The following FOXP2 variants were observed in gnomAD, a reference collection of about 807,000 sequenced individuals.
FOXP2 encodes forkhead box protein P2.
FOXP2 carries 12 observed loss-of-function variants against 115.8 expected under a neutral mutation model. That is an observed-to-expected ratio of 0.10 (90% CI 0.07 to 0.17). The LOEUF is 0.17. FOXP2 is among the 10% of genes least tolerant of loss of function. The probability of loss-of-function intolerance (pLI) is 1.00; values close to 1 mark genes in which losing one functional copy is unlikely to be tolerated. For synonymous variants in FOXP2, 328 were observed against 297.7 expected (o/e 1.10, Z -1.05); for missense variants, 629 against 843.5 (o/e 0.75, Z 3.15).
At chr7:114,140,414 C>A (rs1330897135) in intron 1 of FOXP2, among the ~76,000 whole-genome samples, 3 of 152,076 alleles carry the variant, frequency 2.0e-5, no homozygotes, top group African/African-American at 7.2e-5. Context: ...CTTTAGGGAG[C>A]CTGACGTGCA....
intron 2 of FOXP2, among the ~76,000 whole-genome samples, chr7:114,445,821 T>C (rs1794809745): frequency 6.6e-6 from 1 of 152,082 alleles, no homozygotes; most frequent in African/African-American, 2.4e-5. Context: ...GTTTAAGAAA[T>C]TACCTTCAGA....
At position 114,653,860 on chromosome 7, in the gene FOXP2, T is replaced by A. The variant is rs1024186496; in HGVS notation, c.1183-66T>A. 4.8e-6 allele frequency: 7 copies of A among 1,446,058 alleles called. No homozygotes were observed. In the Admixed American group the frequency reaches 1.2e-4, roughly 24 times the overall value. 89.6% of individuals were successfully genotyped at this position (1,446,058 alleles called of 1,614,324 possible). On this transcript the variant is annotated intron_variant, in intron 9 of 16. Transcript: ENST00000350908. ...GAGGCAAGCTCAATGATAAGATGTA[T>A]CACTGCAATAAAATAGCTGTATCAG...
In FOXP2 at chr7:114,661,996, T is replaced by C. The variant is rs760603521; in HGVS notation, c.1648-69T>C. ...CTCTGATTAAGTAAGATCAATAATG[T>C]AGTATGTTGGGCTGCCTTATTAGAC... On this transcript the variant is annotated intron_variant, in intron 13 of 16. Transcript: ENST00000350908. 86 of 1,568,234 alleles carry C rather than the reference T, an allele frequency of 5.5e-5. 1 individual carries two copies. The highest frequency in any genetic ancestry group is 1.7e-4 in the Admixed American group (10 of 59,022).
rs117285525 is a variant in FOXP2, at chr7:114,639,398, G to T, written c.776-3012G>T. On this transcript the variant is annotated intron_variant, in intron 6 of 16. Transcript: ENST00000350908. ...GCCACGCACTGTTCAAGGCAGTGGA[G>T]ATACACCAGTAAAACAAGAAATTCC... Among the ~76,000 whole-genome samples the T allele has an allele frequency of 7.7e-3, 1,176 of 152,284 alleles. 8 individuals are homozygous for T. The highest frequency in any genetic ancestry group is 0.012 in the Non-Finnish European group (841 of 68,018).
At chr7:114,312,680 A>C (rs2129180268) in intron 2 of FOXP2, among the ~76,000 whole-genome samples, 3 of 152,350 alleles carry the variant, frequency 2.0e-5, no homozygotes, top group Middle Eastern at 6.8e-3. Context: ...CATAAGCAAC[A>C]GAATTTTTGT....
intron 16 of FOXP2, among the ~76,000 whole-genome samples, chr7:114,677,039 G>T (rs1025787559): frequency 1.3e-5 from 2 of 151,812 alleles, no homozygotes; most frequent in African/African-American, 4.8e-5. Context: ...GGTTGCGCGC[G>T]CCTGTAGTCC....
chr7:114,666,755 C>G (rs1807182424), intron 16 of FOXP2: 1 of 152,110 alleles, frequency 6.6e-6, no homozygotes, highest in Non-Finnish European at 1.5e-5. Context: ...GGTTCCAATT[C>G]CAGATTCAAT....
At chr7:114,443,721 G>A (rs1562929995) in intron 2 of FOXP2, among the ~76,000 whole-genome samples, 1 of 152,198 alleles carries the variant, frequency 6.6e-6, no homozygotes, top group Non-Finnish European at 1.5e-5. Flanking sequence ...ATGGCCTCCA[G>A]TTCCACCCAT....
Position 114,390,713 on chromosome 7 carries a change from C to G in FOXP2, c.-10-35789C>G, listed in dbSNP as rs373770635. Reference sequence around the variant, plus strand: ...GGGACTACAGCTGCCTATGGCTACACCTAGCTGATTTTTTTTTTTCTTTCT... The same window carrying G: ...GGGACTACAGCTGCCTATGGCTACAGCTAGCTGATTTTTTTTTTTCTTTCT... On this transcript the variant is annotated intron_variant, in intron 2 of 17. Coordinates refer to the FOXP2 transcript ENST00000634411. 2.0e-5 allele frequency among the ~76,000 whole-genome samples: 3 copies of G among 151,980 alleles called. No homozygotes were observed. In the South Asian group the frequency reaches 6.2e-4, roughly 32 times the overall value.
At chr7:114,280,155 C>G (rs1184394061) in intron 1 of FOXP2, among the ~76,000 whole-genome samples, 1 of 151,464 alleles carries the variant, frequency 6.6e-6, no homozygotes, top group African/African-American at 2.4e-5. Flanking sequence ...ATTCTTTTTT[C>G]TTGACTTGCT....
At chr7:114,224,299 A>C (rs79647138) in intron 1 of FOXP2, among the ~76,000 whole-genome samples, 3 of 151,996 alleles carry the variant, frequency 2.0e-5, no homozygotes, top group African/African-American at 7.2e-5. Flanking sequence ...GTCAGTTTGG[A>C]TGAAAGCTTT....
At chr7:114,165,523 A>G (rs1792956558) in intron 1 of FOXP2, among the ~76,000 whole-genome samples, 1 of 152,240 alleles carries the variant, frequency 6.6e-6, no homozygotes, top group Non-Finnish European at 1.5e-5. Flanking sequence ...TACTGTTTAT[A>G]TTAACACCAA....
At chr7:114,528,679 A>G (rs1453675647) in intron 2 of FOXP2, among the ~76,000 whole-genome samples, 2 of 151,946 alleles carry the variant, frequency 1.3e-5, no homozygotes, top group African/African-American at 4.8e-5. Flanking sequence ...TGTATTTTTC[A>G]GTTAATATCT....
At chr7:114,571,638 T>C (rs894558882) in intron 3 of FOXP2, among the ~76,000 whole-genome samples, 5 of 151,868 alleles carry the variant, frequency 3.3e-5, no homozygotes, top group African/African-American at 1.2e-4. Context: ...AAAATTTTCA[T>C]ACATTTTTCT....
chr7:114,599,630 T>C (rs1802915407), intron 3 of FOXP2, among the ~76,000 whole-genome samples: 2 of 152,172 alleles, frequency 1.3e-5, no homozygotes, highest in Admixed American at 1.3e-4. Flanking sequence ...TCTTGTATTT[T>C]AATGCCTATA....
intron 1 of FOXP2, among the ~76,000 whole-genome samples, chr7:114,425,880 A>G (rs1464478010): frequency 6.6e-6 from 1 of 151,674 alleles, no homozygotes; most frequent in Non-Finnish European, 1.5e-5. Context: ...AATAGGCAAT[A>G]TCTGACGTGT....
At chr7:114,406,825 C>T (rs1188333499) in intron 2 of FOXP2, among the ~76,000 whole-genome samples, 1 of 151,934 alleles carries the variant, frequency 6.6e-6, no homozygotes, top group Admixed American at 6.6e-5. Context: ...TCCCTCTCTC[C>T]CTAGCCTAAG....
intron 3 of FOXP2, among the ~76,000 whole-genome samples, chr7:114,599,420 C>T (rs1296108466): frequency 6.6e-6 from 1 of 152,008 alleles, no homozygotes; most frequent in Non-Finnish European, 1.5e-5. Context: ...AATAGTATTG[C>T]TTCTTTCTTA....
chr7:114,468,741 A>G (rs1795918331), intron 2 of FOXP2, among the ~76,000 whole-genome samples: 1 of 152,144 alleles, frequency 6.6e-6, no homozygotes, highest in Non-Finnish European at 1.5e-5. Flanking sequence ...GCATGATACA[A>G]TACATCAAAA....
Sources: allele counts gnomAD v4.1 joint callset (sites outside exome capture counted in the v4.1 genomes callset), GRCh38; gene constraint gnomAD v4.1.1; transcripts MANE v1.5; gene names NCBI Gene and HGNC (gene_info 2026-07-23, HGNC 2026-07-21).